The following GRHPR variants were observed in gnomAD, a reference collection of about 807,000 sequenced individuals.
GRHPR encodes glyoxylate and hydroxypyruvate reductase.
A neutral mutation model predicts 36.8 loss-of-function variants in GRHPR; 35 were observed. That is an observed-to-expected ratio of 0.95 (90% CI 0.73 to 1.26). The LOEUF (loss-of-function observed/expected upper bound fraction) is 1.26, where lower values mean the gene tolerates loss of function less well. GRHPR is among the 50% of genes most tolerant of loss of function. GRHPR has a pLI of 0.00. For synonymous variants in GRHPR, 179 were observed against 181.0 expected, an observed-to-expected ratio of 0.99 and a Z score of 0.09; for missense variants, 380 against 435.0, an observed-to-expected ratio of 0.87 and a Z score of 1.12.
chr9:37,425,156 T>C (rs1823021662), intron 2 of GRHPR, among the ~76,000 whole-genome samples, 181 bp downstream of exon 2: 1 of 152,216 alleles, frequency 6.6e-6, no homozygotes, highest in African/African-American at 2.4e-5. Context: ...CCTCCTGCTG[T>C]GAACCCCTTG....
Position 37,432,223 on chromosome 9 carries a change from A to C in GRHPR, c.865+85A>C, listed in dbSNP as rs1228183335. 6.0e-6 allele frequency: 8 copies of C among 1,325,954 alleles called. No individual in the cohort carries two copies. The African/African-American group carries it at 7.3e-5, about 12-fold the overall frequency. The allele number at this position is 1,325,954 out of a possible 1,614,324, so 82.1% of individuals were successfully genotyped here. ...GGGGGTCCCAAGGGGCCGGGTGTGG[A>C]GCTAGTGTGAGCAGGTGTTGAACCC... On this transcript the variant is annotated intron_variant, in intron 8 of 8. Transcript: ENST00000318158.
In GRHPR at chr9:37,426,016, G is replaced by C. The variant is rs773952815; in HGVS notation, c.287+22G>C. 3.2e-6 allele frequency: 5 copies of C among 1,547,824 alleles called. No homozygotes were observed. In the African/African-American group the frequency reaches 4.1e-5, roughly 13 times the overall value. On this transcript the variant is annotated intron_variant, in intron 3 of 8. Transcript: ENST00000318158. Reference sequence around the variant, plus strand: ...AGCGGTAACTGCAGCTTGGGATCTGGAGGGGGCCTAGAGAGAGGGGTGGCT... The same window carrying C: ...AGCGGTAACTGCAGCTTGGGATCTGCAGGGGGCCTAGAGAGAGGGGTGGCT...
At chr9:37,428,629 C>A in intron 5 of GRHPR, 57 bp downstream of exon 5, 1 of 1,126,356 alleles carries the variant, frequency 8.9e-7, no homozygotes, top group Non-Finnish European at 1.3e-6. Flanking sequence ...GGTTTGCATC[C>A]CTGGCACCAC....
intron 4 of GRHPR, 59 bp downstream of exon 4, chr9:37,426,713 G>T: frequency 1.1e-6 from 1 of 928,822 alleles, no homozygotes; most frequent in Non-Finnish European, 1.8e-6. Context: ...ACTTTGGGAG[G>T]CCAAAGTGAG....
chr9:37,426,772 A>C (rs1265039988), intron 4 of GRHPR, 118 bp downstream of exon 4: 14 of 680,236 alleles, frequency 2.1e-5, no homozygotes, highest in African/African-American at 5.3e-5. Flanking sequence ...ACATAGTGAA[A>C]CCCCGTCTCT....
At position 37,429,856 on chromosome 9, in the gene GRHPR, C is replaced by T. The variant is rs1158252795; in HGVS notation, c.598+20C>T. The T allele has an allele frequency of 7.4e-7, 1 of 1,360,264 alleles. No individual in the cohort carries two copies. The highest frequency in any genetic ancestry group is 1.2e-5 in the South Asian group (1 of 86,020). 84.3% of individuals were successfully genotyped at this position (1,360,264 alleles called of 1,614,324 possible). ...AGTTTGGTAAGTGAAGCCTTGATTT[C>T]CACAGGAGCCTATCTGTGCCCAGTT... On this transcript the variant is annotated intron_variant, in intron 6 of 8. Transcript: ENST00000318158.
intron 6 of GRHPR, 32 bp downstream of exon 6, chr9:37,429,868 A>C: frequency 8.0e-7 from 1 of 1,254,832 alleles, no homozygotes; most frequent in Non-Finnish European, 1.2e-6. Context: ...ACAGGAGCCT[A>C]TCTGTGCCCA....
At chr9:37,433,693 A>T (rs537414679) in intron 8 of GRHPR, 1 of 167,322 alleles carries the variant, frequency 6.0e-6, no homozygotes, top group East Asian at 1.6e-4. Flanking sequence ...TGGTCCAGGG[A>T]CCACACTTTG....
downstream of GRHPR, among the ~76,000 whole-genome samples, chr9:37,437,716 C>G (rs1823739234): frequency 6.6e-6 from 1 of 150,732 alleles, no homozygotes; most frequent in Non-Finnish European, 1.5e-5. Context: ...CCACCTTACC[C>G]ACTTCTCTCC....
intron 7 of GRHPR, 69 bp from the exon 8 acceptor site, chr9:37,431,939 T>G (rs1439848028): frequency 3.2e-6 from 5 of 1,555,922 alleles, no homozygotes; most frequent in South Asian, 2.2e-5. Flanking sequence ...TTCTGTAGGT[T>G]GTTCTGCCTC....
rs757796926 is a variant in GRHPR, at chr9:37,426,659, G to A, written c.404+5G>A. 1.4e-5 allele frequency: 22 copies of A among 1,549,252 alleles called. No homozygotes were observed. Among genetic ancestry groups the A allele is most frequent in the Non-Finnish European group, 2.0e-5 (22 of 1,121,106 alleles). On this transcript the variant is annotated splice_donor_5th_base_variant and intron_variant, in intron 4 of 8. Transcript: ENST00000318158. ...GGCCATCGAGGAAGTGAAGAAGTAA[G>A]TGAACGCAGACCAGGTGCGGTGGCT...
upstream of GRHPR, chr9:37,422,647 C>A (rs111947467): frequency 3.3e-6 from 3 of 914,442 alleles, no homozygotes; most frequent in Non-Finnish European, 5.2e-6. Context: ...GCACGCCGCG[C>A]GCGACGTCTC....
In GRHPR at chr9:37,431,157, A is replaced by G. The variant is rs570071192; in HGVS notation, c.734+511A>G. On this transcript the variant is annotated intron_variant, in intron 7 of 8. Transcript: ENST00000318158. ...GCCACTGGGCATGTATGGAGGTCAGACCTTCCTTCTCTGCCACTCCAAGCC... is the reference window on the plus strand; with the variant it reads ...GCCACTGGGCATGTATGGAGGTCAGGCCTTCCTTCTCTGCCACTCCAAGCC... 9.9e-4 allele frequency: 392 copies of G among 396,156 alleles called. 3 individuals are homozygous for G. The highest frequency in any genetic ancestry group is 7.5e-3 in the African/African-American group (358 of 47,852). The allele number at this position is 396,156 out of a possible 1,614,324, so 24.5% of individuals were successfully genotyped here.
At chr9:37,422,920 C>A in intron 1 of GRHPR, 87 bp downstream of exon 1, 1 of 957,924 alleles carries the variant, frequency 1.0e-6, no homozygotes, top group Non-Finnish European at 1.6e-6. Context: ...TTGTGGCCGG[C>A]TGGGGCAGGC....
At chr9:37,427,041 C>T (rs1823117495) in intron 4 of GRHPR, among the ~76,000 whole-genome samples, 1 of 152,164 alleles carries the variant, frequency 6.6e-6, no homozygotes, top group African/African-American at 2.4e-5. Context: ...CCAGCCCACG[C>T]ATAGTCCCTG....
intron 1 of GRHPR, 144 bp from the exon 2 acceptor site, chr9:37,424,701 A>G: frequency 4.4e-6 from 4 of 902,898 alleles, no homozygotes; most frequent in Non-Finnish European, 6.7e-6. Flanking sequence ...CAGTTCTGAG[A>G]CCACCCCTGC....
In GRHPR at chr9:37,430,577, C is replaced by T. The variant is rs747304081; in HGVS notation, c.665C>T (p.Thr222Ile). Residue 222 changes from threonine (T) to isoleucine (I), a missense_variant, in exon 7 of 9, where the codon ACC (threonine) becomes ATC (isoleucine). Physicochemically the swap from Thr to Ile is moderately conservative, Grantham distance 89. Coordinates refer to ENST00000318158, the MANE Select transcript of GRHPR (RefSeq NM_012203.2). ...GTGGCCTGCTCCTTAACACCTGCAA[C>T]CGAGGGACTCTGCAACAAGGACTTC... ...IVVACSLTPA[T>I]EGLCNKDFFQ... 2 of 1,613,578 alleles carry T rather than the reference C, an allele frequency of 1.2e-6. No homozygotes were observed. The highest frequency in any genetic ancestry group is 1.1e-5 in the South Asian group (1 of 91,078).
At chr9:37,429,711 C>G in intron 5 of GRHPR, 21 bp from the exon 6 acceptor site, 4 of 1,523,068 alleles carry the variant, frequency 2.6e-6, no homozygotes, top group Non-Finnish European at 3.6e-6. Context: ...GGGAACGAGA[C>G]ATGGACTCTC....
At chr9:37,432,293 A>T in intron 8 of GRHPR, 155 bp downstream of exon 8, 1 of 707,220 alleles carries the variant, frequency 1.4e-6, no homozygotes, top group Non-Finnish European at 2.6e-6. Flanking sequence ...TGTCAGTGAC[A>T]TGGGTGTATG....
Sources: allele counts gnomAD v4.1 joint callset (sites outside exome capture counted in the v4.1 genomes callset), GRCh38; gene constraint gnomAD v4.1.1; transcripts MANE v1.5; gene names NCBI Gene and HGNC (gene_info 2026-07-23, HGNC 2026-07-21).